The following PTPRT variants were observed in gnomAD, a reference collection of about 807,000 sequenced individuals.
PTPRT encodes protein tyrosine phosphatase receptor type T, also known as receptor-type tyrosine-protein phosphatase T.
Under a neutral mutation model 176.8 loss-of-function variants are expected in PTPRT, and 56 were observed. That is an observed-to-expected ratio of 0.32 (90% CI 0.26 to 0.40). The LOEUF (loss-of-function observed/expected upper bound fraction) is 0.40, where lower values mean the gene tolerates loss of function less well. PTPRT is among the 10% of genes least tolerant of loss of function. The pLI is 1.00. For synonymous variants in PTPRT, 783 were observed against 739.0 expected (o/e 1.06, Z -0.96); for missense variants, 1,540 against 1,908.2 (o/e 0.81, Z 3.60).
At chr20:42,914,141 T>C (rs1458973968) in intron 1 of PTPRT, among the ~76,000 whole-genome samples, 1 of 152,190 alleles carries the variant, frequency 6.6e-6, no homozygotes, top group African/African-American at 2.4e-5. Flanking sequence ...AATCTCACAA[T>C]CAAATTGTCT....
chr20:42,987,634 C>A (rs959794212), intron 1 of PTPRT, among the ~76,000 whole-genome samples: 1 of 151,852 alleles, frequency 6.6e-6, no homozygotes, highest in African/African-American at 2.4e-5. Context: ...CCCGCCCACA[C>A]TCCGCCCACC....
chr20:42,885,782 G>A, intron 2 of PTPRT, 25 bp downstream of exon 2: 1 of 1,591,566 alleles, frequency 6.3e-7, no homozygotes, highest in Non-Finnish European at 8.6e-7. Context: ...CCCCATTACA[G>A]CCCCAAACAT....
chr20:42,489,430 A>T (rs1445353344), intron 7 of PTPRT, among the ~76,000 whole-genome samples: 1 of 151,984 alleles, frequency 6.6e-6, no homozygotes, highest in Non-Finnish European at 1.5e-5. Flanking sequence ...CACTAGCGAG[A>T]GAGAGATTTC....
chr20:42,858,006 T>C (rs1249434178), intron 2 of PTPRT, among the ~76,000 whole-genome samples: 1 of 152,212 alleles, frequency 6.6e-6, no homozygotes, highest in Non-Finnish European at 1.5e-5. Context: ...CTGGAGTATC[T>C]TGTCCAAAGC....
intron 1 of PTPRT, among the ~76,000 whole-genome samples, chr20:42,940,976 G>A (rs1453184581): frequency 1.3e-5 from 2 of 151,976 alleles, no homozygotes; most frequent in Non-Finnish European, 2.9e-5. Flanking sequence ...CAGCTACTCA[G>A]GAGGCTGAGG....
intron 23 of PTPRT, among the ~76,000 whole-genome samples, chr20:42,109,941 G>A (rs6029978): frequency 1.5e-4 from 23 of 152,234 alleles, no homozygotes; most frequent in South Asian, 1.0e-3. Flanking sequence ...GGCATGGGGG[G>A]GACACAGGAA....
chr20:42,861,931 TAA>T (rs1473465661), intron 2 of PTPRT, among the ~76,000 whole-genome samples: 1 of 151,854 alleles, frequency 6.6e-6, no homozygotes, highest in Non-Finnish European at 1.5e-5. Context: ...AGGATGTGAA[TAA>T]AGAGATAGGC....
intron 3 of PTPRT, among the ~76,000 whole-genome samples, chr20:42,790,119 T>C (rs986474870): frequency 6.6e-6 from 1 of 152,180 alleles, no homozygotes; most frequent in African/African-American, 2.4e-5. Context: ...CTGGACTGCT[T>C]TATAATGATG....
chr20:42,553,029 T>C (rs954103461), intron 7 of PTPRT, among the ~76,000 whole-genome samples: 1 of 152,158 alleles, frequency 6.6e-6, no homozygotes, highest in Non-Finnish European at 1.5e-5. Context: ...ATCTCTATTC[T>C]ACATCTAAAA....
At chr20:42,634,374 T>G (rs990214829) in intron 7 of PTPRT, among the ~76,000 whole-genome samples, 1 of 150,490 alleles carries the variant, frequency 6.6e-6, no homozygotes, top group Non-Finnish European at 1.5e-5. Context: ...GAAAGCTCCA[T>G]GATAGAGATG....
chr20:42,609,993 C>T (rs2073946915), intron 7 of PTPRT, among the ~76,000 whole-genome samples: 1 of 152,236 alleles, frequency 6.6e-6, no homozygotes. Flanking sequence ...AAGCATCCAA[C>T]CTCAACAGAT....
At chr20:43,047,967 AG>A (rs1210226142) in intron 1 of PTPRT, among the ~76,000 whole-genome samples, 2 of 152,206 alleles carry the variant, frequency 1.3e-5, no homozygotes, top group Non-Finnish European at 2.9e-5. Flanking sequence ...AGGGTTACAA[AG>A]GCAAATGAGG....
At chr20:42,459,315 T>C (rs1366423598) in intron 8 of PTPRT, among the ~76,000 whole-genome samples, 1 of 152,194 alleles carries the variant, frequency 6.6e-6, no homozygotes, top group Admixed American at 6.5e-5. Context: ...CTGGAGCATG[T>C]GAGCTACCGT....
At chr20:42,066,029 G>A in the PTPRT span, among the ~76,000 whole-genome samples, 1 of 138,300 alleles carries the variant, frequency 7.2e-6, no homozygotes, top group African/African-American at 2.7e-5. Flanking sequence ...CTTGGACTTA[G>A]TATATTACTT....
At chr20:42,351,746 A>G (rs2058287948) in intron 10 of PTPRT, among the ~76,000 whole-genome samples, 1 of 152,138 alleles carries the variant, frequency 6.6e-6, no homozygotes, top group Admixed American at 6.5e-5. Context: ...ACCTGCGCTA[A>G]TGTCTTGTTC....
intron 1 of PTPRT, among the ~76,000 whole-genome samples, chr20:42,900,135 A>T (rs1336212370): frequency 1.3e-5 from 2 of 152,202 alleles, no homozygotes; most frequent in African/African-American, 4.8e-5. Flanking sequence ...TGCCCTGTAA[A>T]TCCATCAAAG....
At chr20:42,181,906 AAAC>A (rs1340979769) in intron 16 of PTPRT, among the ~76,000 whole-genome samples, 3 of 152,196 alleles carry the variant, frequency 2.0e-5, no homozygotes, top group Admixed American at 6.5e-5. Context: ...AATTAAAAAA[AAAC>A]AACAAGTGGC....
rs1983698447 is a variant in PTPRT, at chr20:42,084,723, C to T, written c.4095G>A (p.Glu1365=). 5 of 1,567,922 alleles carry T rather than the reference C, an allele frequency of 3.2e-6. No individual in the cohort carries two copies. In the East Asian group the frequency reaches 6.9e-5, roughly 22 times the overall value. Residue 1365 remains glutamate (E), a synonymous_variant, in exon 29 of 31, where the codon GAG becomes GAA. Coordinates refer to ENST00000373187, the MANE Select transcript of PTPRT (RefSeq NM_007050.6). ...KVVRRLEKWQ[E]QYDGREGRTV... is the part of the protein sequence containing the mutation. ...TACGTCCCTCCCTCCCGTCATACTG[C>T]TCCTGCCACTTCTCCAGTCGTCGGA...
intron 2 of PTPRT, among the ~76,000 whole-genome samples, chr20:42,793,506 C>T (rs554641406): frequency 6.6e-6 from 1 of 152,262 alleles, no homozygotes; most frequent in South Asian, 2.1e-4. Flanking sequence ...CCGCAAAAGT[C>T]ATGATTTCGG....
Sources: gnomAD v4.1 joint callset for allele counts (sites outside exome capture counted in the v4.1 genomes callset) on GRCh38, gnomAD v4.1.1 for gene constraint, MANE v1.5 for transcripts, NCBI Gene and HGNC (gene_info 2026-07-23, HGNC 2026-07-21) for gene names.